PDE7A: variants seen among roughly 807,000 people sequenced by gnomAD.
The protein encoded by PDE7A is phosphodiesterase 7A, also known as high affinity 3',5'-cyclic-AMP phosphodiesterase 7A.
In PDE7A, 39 loss-of-function variants were observed where a neutral mutation model predicts 64.3. That is an observed-to-expected ratio of 0.61 (90% CI 0.47 to 0.79). The LOEUF is 0.79. Among genes scored for constraint, PDE7A ranks in the 30% least tolerant of loss-of-function variants. PDE7A has a pLI of 0.00. For missense variants in PDE7A, 470 were observed against 582.8 expected (o/e 0.81, Z 1.99); for synonymous variants, 203 against 206.8 (o/e 0.98, Z 0.16).
chr8:65,717,657 T>C lies in PDE7A; in HGVS notation c.*1633A>G, dbSNP rs1585815077. ...CATTGTGTTTTCCAAAAGATTGAGT[T>C]ATAAGGTAAATGTCAAAGATAAAAA... On this transcript the variant is annotated 3_prime_UTR_variant, in exon 13 of 13. Coordinates refer to ENST00000401827, the MANE Select transcript of PDE7A (RefSeq NM_001242318.3). 1 of 152,214 alleles carries C rather than the reference T, an allele frequency of 6.6e-6. No individual in the cohort carries two copies. Among genetic ancestry groups the C allele is most frequent in the Admixed American group, 6.5e-5 (1 of 15,280 alleles). The allele number at this position is 152,214 out of a possible 1,614,324, so 9.4% of individuals were successfully genotyped here.
At chr8:65,787,606 G>T (rs576617317) in intron 1 of PDE7A, among the ~76,000 whole-genome samples, 89 of 151,792 alleles carry the variant, frequency 5.9e-4, no homozygotes, top group African/African-American at 2.1e-3. Flanking sequence ...TAAAATATTA[G>T]CATTGTTTTT....
intron 3 of PDE7A, among the ~76,000 whole-genome samples, chr8:65,778,409 T>C (rs1393008275): frequency 6.6e-6 from 1 of 152,084 alleles, no homozygotes; most frequent in East Asian, 1.9e-4. Context: ...GAAGATGACA[T>C]GAGATGGACC....
intron 7 of PDE7A, among the ~76,000 whole-genome samples, chr8:65,730,168 C>CTTT (rs1563473710): frequency 5.1e-4 from 16 of 31,636 alleles, no homozygotes; most frequent in Admixed American, 7.3e-4. Context: ...AGGTTGCGCA[C>CTTT]TTCTTTTTTT....
At chr8:65,759,803 G>A (rs1808407724) in intron 3 of PDE7A, among the ~76,000 whole-genome samples, 1 of 152,080 alleles carries the variant, frequency 6.6e-6, no homozygotes, top group Non-Finnish European at 1.5e-5. Context: ...AAGGTTGCAT[G>A]TGAGAGCTTA....
At chr8:65,795,761 A>G (rs993436296) in intron 1 of PDE7A, among the ~76,000 whole-genome samples, 1 of 152,222 alleles carries the variant, frequency 6.6e-6, no homozygotes, top group African/African-American at 2.4e-5. Context: ...ACATTCTTTA[A>G]AAGATGACAA....
chr8:65,828,162 T>G (rs1389068225), intron 1 of PDE7A, among the ~76,000 whole-genome samples: 1 of 151,130 alleles, frequency 6.6e-6, no homozygotes, highest in Non-Finnish European at 1.5e-5. Flanking sequence ...AAAAAAAAAA[T>G]CAGAAAAGTA....
chr8:65,723,902 C>T (rs1004267243), intron 11 of PDE7A, among the ~76,000 whole-genome samples: 3 of 152,066 alleles, frequency 2.0e-5, no homozygotes, highest in African/African-American at 7.2e-5. Context: ...ATAAAGATTC[C>T]TGGATCCGGG....
At chr8:65,776,735 A>G (rs1809270504) in intron 3 of PDE7A, among the ~76,000 whole-genome samples, 1 of 152,210 alleles carries the variant, frequency 6.6e-6, no homozygotes, top group South Asian at 2.1e-4. Context: ...CTGACTTTGT[A>G]TCCAGGAAAA....
At chr8:65,805,585 C>G (rs912522942) in intron 1 of PDE7A, among the ~76,000 whole-genome samples, 25 of 152,136 alleles carry the variant, frequency 1.6e-4, no homozygotes, top group African/African-American at 5.5e-4. Context: ...ATCAATCTTG[C>G]TCTTGGGTCA....
intron 1 of PDE7A, among the ~76,000 whole-genome samples, chr8:65,802,889 A>G (rs1043008817): frequency 6.6e-6 from 1 of 152,140 alleles, no homozygotes; most frequent in South Asian, 2.1e-4. Flanking sequence ...CCCCTTGTTG[A>G]TAAGTGAGCA....
At chr8:65,766,794 G>A (rs1322194696) in intron 3 of PDE7A, among the ~76,000 whole-genome samples, 1 of 152,170 alleles carries the variant, frequency 6.6e-6, no homozygotes, top group Non-Finnish European at 1.5e-5. Context: ...CTGAATGAAA[G>A]GGCATCAAGA....
At chr8:65,812,023 A>G in intron 1 of PDE7A, among the ~76,000 whole-genome samples, 1 of 151,766 alleles carries the variant, frequency 6.6e-6, no homozygotes, top group Admixed American at 6.6e-5. Context: ...CCTGGGCAAC[A>G]TGGCAAAACC....
chr8:65,790,684 A>G (rs1033991959), intron 1 of PDE7A, among the ~76,000 whole-genome samples: 6 of 152,226 alleles, frequency 3.9e-5, no homozygotes, highest in African/African-American at 1.4e-4. Context: ...ACACATGGCC[A>G]TAAAATTTTC....
chr8:65,746,925 T>C (rs1487673944), intron 4 of PDE7A, among the ~76,000 whole-genome samples: 1 of 152,232 alleles, frequency 6.6e-6, no homozygotes, highest in South Asian at 2.1e-4. Context: ...GAATCTGGTC[T>C]GTAAATATTA....
intron 1 of PDE7A, among the ~76,000 whole-genome samples, chr8:65,830,030 G>A (rs978311438): frequency 1.3e-5 from 2 of 152,000 alleles, no homozygotes; most frequent in Admixed American, 6.6e-5. Flanking sequence ...GACACAGCAT[G>A]TCTGTTTTCC....
Position 65,719,420 on chromosome 8 carries a change from A to G in PDE7A, c.1319T>C (p.Met440Thr). The change falls in exon 13 of 13, where the codon ATG becomes ACG. Residue 440 changes from methionine to threonine, a missense_variant. Transcript: ENST00000401827. ...RFSNTRLSQT[M>T]LGHVGLNKAS... ...TTTATTCAGCCCCACGTGTCCAAGC[A>G]TTGTCTGGGATAGCCTTGTATTGGA... 4.3e-6 allele frequency: 7 copies of G among 1,614,096 alleles called. No individual in the cohort carries two copies. Among genetic ancestry groups the G allele is most frequent in the Non-Finnish European group, 5.9e-6 (7 of 1,179,946 alleles).
intron 1 of PDE7A, among the ~76,000 whole-genome samples, chr8:65,793,013 T>G (rs967100890): frequency 3.9e-4 from 60 of 152,204 alleles, no homozygotes; most frequent in African/African-American, 1.3e-3. Flanking sequence ...AAAAAAAATC[T>G]TGACACTTTA....
intron 5 of PDE7A, among the ~76,000 whole-genome samples, chr8:65,740,349 C>T (rs1366352691): frequency 1.3e-5 from 2 of 152,092 alleles, no homozygotes; most frequent in African/African-American, 4.8e-5. Context: ...CCATCCACCC[C>T]CTCATTCTCC....
chr8:65,785,928 G>C (rs561291480), intron 1 of PDE7A, among the ~76,000 whole-genome samples: 1 of 152,202 alleles, frequency 6.6e-6, no homozygotes, highest in East Asian at 1.9e-4. Flanking sequence ...GATTGTGAAA[G>C]ACTGACCAAT....
Sources: gnomAD v4.1 joint callset for allele counts (sites outside exome capture counted in the v4.1 genomes callset) on GRCh38, gnomAD v4.1.1 for gene constraint, MANE v1.5 for transcripts, NCBI Gene and HGNC (gene_info 2026-07-23, HGNC 2026-07-21) for gene names.